The following ADCY8 variants were observed in gnomAD, a reference collection of about 807,000 sequenced individuals.
ADCY8 encodes the protein adenylate cyclase 8.
ADCY8 carries 51 observed loss-of-function variants against 119.7 expected under a neutral mutation model. The ratio of observed to expected loss-of-function variants is 0.43; its 90% CI spans 0.34 to 0.54. ADCY8 has a LOEUF of 0.54. Among genes scored for constraint, ADCY8 ranks in the 20% least tolerant of loss-of-function variants. The probability of loss-of-function intolerance (pLI) is 0.03; values close to 1 mark genes in which losing one functional copy is unlikely to be tolerated. For synonymous variants in ADCY8, 665 were observed against 651.0 expected (o/e 1.02, Z -0.33); for missense variants, 1,383 against 1,598.8 (o/e 0.87, Z 2.30).
At chr8:130,891,796 T>C (rs1819197500) in intron 7 of ADCY8, among the ~76,000 whole-genome samples, 1 of 152,118 alleles carries the variant, frequency 6.6e-6, no homozygotes, top group South Asian at 2.1e-4. Flanking sequence ...GACCCTGTCT[T>C]ATAACAAGTT....
chr8:131,033,448 A>G (rs1320977300), intron 1 of ADCY8, among the ~76,000 whole-genome samples: 1 of 152,166 alleles, frequency 6.6e-6, no homozygotes, highest in African/African-American at 2.4e-5. Flanking sequence ...CATTTGTCCT[A>G]CTTAGCATGA....
chr8:130,858,167 T>C (rs1389336030), intron 9 of ADCY8, among the ~76,000 whole-genome samples: 1 of 131,322 alleles, frequency 7.6e-6, no homozygotes, highest in Non-Finnish European at 1.7e-5. Flanking sequence ...TAGCCATATC[T>C]CCAAAATTGT....
intron 8 of ADCY8, among the ~76,000 whole-genome samples, chr8:130,875,010 G>A (rs1274047167): frequency 6.6e-6 from 1 of 152,156 alleles, no homozygotes; most frequent in Non-Finnish European, 1.5e-5. Context: ...TCATAATTCT[G>A]TAATTCTATA....
At chr8:131,033,077 C>A (rs754388905) in intron 1 of ADCY8, among the ~76,000 whole-genome samples, 3 of 152,204 alleles carry the variant, frequency 2.0e-5, no homozygotes, top group Non-Finnish European at 4.4e-5. Flanking sequence ...TGTTGTCCAG[C>A]TGCATATTCT....
rs185371411 is a variant in ADCY8, at chr8:130,814,318, T to C, written c.2755-91A>G. On this transcript the variant is annotated intron_variant, in intron 13 of 17. Transcript: ENST00000286355. ...ACAACTGGGAGGCAGGAAAGGCTTC[T>C]CTGGAACTCTTCACAAATGAAACAG... 12 of 1,360,252 alleles carry C rather than the reference T, an allele frequency of 8.8e-6. No individual in the cohort carries two copies. The Admixed American group carries it at 2.4e-4, about 27-fold the overall frequency. The allele number at this position is 1,360,252 out of a possible 1,614,324, so 84.3% of individuals were successfully genotyped here.
At chr8:130,802,711 T>A (rs1300905542) in intron 14 of ADCY8, among the ~76,000 whole-genome samples, 2 of 152,228 alleles carry the variant, frequency 1.3e-5, no homozygotes, top group Admixed American at 6.5e-5. Flanking sequence ...TCTGCCTGCA[T>A]CCTCTCACCC....
At chr8:130,808,886 CT>C (rs1203181484) in intron 14 of ADCY8, among the ~76,000 whole-genome samples, 1 of 110,216 alleles carries the variant, frequency 9.1e-6, no homozygotes, top group Non-Finnish European at 2.1e-5. Flanking sequence ...TTGCTAGTGT[CT>C]TTTCAACAAC....
rs201573600 is a variant in ADCY8 at position 130,780,839 on chromosome 8, C to T, written c.3307G>A (p.Ala1103Thr). The change falls in exon 18 of 18, where the codon GCT (alanine) becomes ACT (threonine). Residue 1103 changes from alanine (A) to threonine (T), a missense_variant. Transcript: ENST00000286355. ...CAAATGTCATACTGTGGTTTCTTAG[C>T]GCCGATAACGCCAGCTACCACTGAG... ...HGSVVAGVIG[A>T]KKPQYDIWGK... 1.2e-5 allele frequency: 19 copies of T among 1,613,918 alleles called. No homozygotes were observed. The highest frequency in any genetic ancestry group is 1.3e-5 in the African/African-American group (1 of 74,892).
In ADCY8 at chr8:130,867,900, GCA is replaced by G; in HGVS notation, c.2154_2155del (p.Ala719IlefsTer46). 1 of 1,611,832 alleles carries G rather than the reference GCA, an allele frequency of 6.2e-7. No homozygotes were observed. The highest frequency in any genetic ancestry group is 8.5e-7 in the Non-Finnish European group (1 of 1,178,944). ...CGTGATAAATAGAAGAACGATAAAT[GCA>G]CAGACCAAGTTTGACTTGAACACTT... is the stretch of plus-strand genomic sequence containing the variant. On this transcript the variant is annotated frameshift_variant, in exon 9 of 18. Coordinates refer to ENST00000286355, the MANE Select transcript of ADCY8 (RefSeq NM_001115.3). LOFTEE classifies it high-confidence loss of function.
At chr8:130,811,151 G>C (rs1208051862) in intron 14 of ADCY8, among the ~76,000 whole-genome samples, 1 of 152,144 alleles carries the variant, frequency 6.6e-6, no homozygotes, top group African/African-American at 2.4e-5. Context: ...CTGTTGAGGA[G>C]GGTGGAGTCT....
chr8:130,954,856 T>A (rs1217871289), intron 2 of ADCY8, among the ~76,000 whole-genome samples: 2 of 152,182 alleles, frequency 1.3e-5, no homozygotes, highest in Non-Finnish European at 2.9e-5. Flanking sequence ...AATTGTAAAT[T>A]AAGGCAGCAC....
intron 1 of ADCY8, among the ~76,000 whole-genome samples, chr8:131,026,503 G>A (rs1344513544): frequency 6.6e-6 from 1 of 152,158 alleles, no homozygotes; most frequent in Non-Finnish European, 1.5e-5. Flanking sequence ...GAGTAGCAGG[G>A]ACCCACTGAA....
chr8:131,034,437 T>C (rs1055794339), intron 1 of ADCY8, among the ~76,000 whole-genome samples: 1 of 152,056 alleles, frequency 6.6e-6, no homozygotes, highest in African/African-American at 2.4e-5. Flanking sequence ...TATACACCAC[T>C]ATCTTATCCA....
At chr8:130,960,259 C>T (rs1259843374) in intron 2 of ADCY8, among the ~76,000 whole-genome samples, 3 of 152,068 alleles carry the variant, frequency 2.0e-5, no homozygotes, top group African/African-American at 7.2e-5. Context: ...ATAGACTTCC[C>T]ATAGGCAGGT....
At chr8:131,021,138 GA>G (rs1242961059) in intron 1 of ADCY8, among the ~76,000 whole-genome samples, 1 of 152,080 alleles carries the variant, frequency 6.6e-6, no homozygotes, top group African/African-American at 2.4e-5. Context: ...AGCCAATATT[GA>G]TTAGAAATTA....
At chr8:130,986,004 C>T (rs1438601668) in intron 2 of ADCY8, among the ~76,000 whole-genome samples, 2 of 152,018 alleles carry the variant, frequency 1.3e-5, no homozygotes, top group Non-Finnish European at 2.9e-5. Flanking sequence ...CTCCAAGCTG[C>T]AAGAAAAACA....
rs555852934 is a variant in ADCY8, at chr8:130,964,171, A to G, written c.1111-12173T>C. Among the ~76,000 whole-genome samples, 77 of 152,290 alleles carry G rather than the reference A, an allele frequency of 5.1e-4. No homozygotes were observed. The Middle Eastern group carries it at 0.01, about 20-fold the overall frequency. ...TTTAAATCATCACCTGTACCACCTT[A>G]GTGTGGTAGACGCTCTCTTGGCTGA... On this transcript the variant is annotated intron_variant, in intron 2 of 17. Coordinates refer to ENST00000286355, the MANE Select transcript of ADCY8 (RefSeq NM_001115.3).
intron 3 of ADCY8, among the ~76,000 whole-genome samples, chr8:130,946,292 C>T (rs1367701445): frequency 6.6e-6 from 1 of 152,106 alleles, no homozygotes; most frequent in Non-Finnish European, 1.5e-5. Context: ...AAATGGATTC[C>T]CTGAGAGCTA....
chr8:130,973,664 T>C (rs189200133), intron 2 of ADCY8, among the ~76,000 whole-genome samples: 8 of 152,316 alleles, frequency 5.3e-5, no homozygotes, highest in African/African-American at 1.9e-4. Flanking sequence ...GAGCAAAAGA[T>C]AATTGATACA....
Sources: allele counts gnomAD v4.1 joint callset (sites outside exome capture counted in the v4.1 genomes callset), GRCh38; gene constraint gnomAD v4.1.1; transcripts MANE v1.5; gene names NCBI Gene and HGNC (gene_info 2026-07-23, HGNC 2026-07-21).